ADGRL2: variants seen among roughly 807,000 people sequenced by gnomAD.
The protein encoded by ADGRL2 is adhesion G protein-coupled receptor L2.
A neutral mutation model predicts 157.4 loss-of-function variants in ADGRL2; 44 were observed. The ratio of observed to expected loss-of-function variants is 0.28; its 90% confidence interval spans 0.22 to 0.36. The LOEUF is 0.36. Ranked by LOEUF, ADGRL2 falls within the 10% of genes least tolerant of loss-of-function variation. ADGRL2 has a pLI of 1.00. For synonymous variants in ADGRL2, 585 were observed against 624.7 expected (o/e 0.94, Z 0.95); for missense variants, 1,510 against 1,768.9 (o/e 0.85, Z 2.63).
intron 2 of ADGRL2, among the ~76,000 whole-genome samples, chr1:81,496,387 A>G (rs1233902517): frequency 6.6e-6 from 1 of 152,158 alleles, no homozygotes; most frequent in Non-Finnish European, 1.5e-5. Flanking sequence ...AGGGGGAGAA[A>G]TCATTAATTA....
At chr1:81,581,874 G>GCACGCA (rs2080919696) in intron 3 of ADGRL2, among the ~76,000 whole-genome samples, 1 of 83,452 alleles carries the variant, frequency 1.2e-5, no homozygotes, top group African/African-American at 3.2e-5. Flanking sequence ...ACACATGCGC[G>GCACGCA]CACACACACA....
rs1286715146 is a variant in ADGRL2 at position 81,691,472 on chromosome 1, G to A, written c.-142-70339G>A. Among the ~76,000 whole-genome samples, 2 of 151,682 alleles carry A rather than the reference G, an allele frequency of 1.3e-5. 1 individual carries two copies. Among genetic ancestry groups the A allele is most frequent in the Non-Finnish European group, 2.9e-5 (2 of 67,930 alleles). On this transcript the variant is annotated intron_variant, in intron 3 of 24. Coordinates refer to the ADGRL2 transcript ENST00000370721. ...TTTGATTGCATATACCAATATACTT[G>A]GGTAATACCAACTATTAGTTTTCTT... is the stretch of plus-strand genomic sequence containing the variant.
intron 1 of ADGRL2, among the ~76,000 whole-genome samples, chr1:81,417,351 T>C (rs2077050493): frequency 6.6e-6 from 1 of 152,214 alleles, no homozygotes; most frequent in Non-Finnish European, 1.5e-5. Context: ...TCATTAACTT[T>C]ACAAAATATT....
At chr1:81,958,169 A>G (rs933603672) in intron 11 of ADGRL2, among the ~76,000 whole-genome samples, 73 of 152,174 alleles carry the variant, frequency 4.8e-4, no homozygotes, top group African/African-American at 1.7e-3. Context: ...AGGCAGGAGA[A>G]TCCCTCGAAC....
intron 1 of ADGRL2, among the ~76,000 whole-genome samples, chr1:81,441,152 T>C (rs562327555): frequency 4.5e-4 from 68 of 152,324 alleles, no homozygotes; most frequent in African/African-American, 1.4e-3. Flanking sequence ...TTAGTACTAG[T>C]TACTAGTAAA....
At chr1:81,546,408 T>C (rs781485117) in intron 2 of ADGRL2, among the ~76,000 whole-genome samples, 2 of 152,176 alleles carry the variant, frequency 1.3e-5, no homozygotes, top group Non-Finnish European at 2.9e-5. Context: ...TTAATTTGGA[T>C]CTAAAGAGTT....
At chr1:81,515,786 T>C (rs1270758558) in intron 2 of ADGRL2, among the ~76,000 whole-genome samples, 2 of 152,202 alleles carry the variant, frequency 1.3e-5, no homozygotes, top group African/African-American at 4.8e-5. Flanking sequence ...GTATTTTTTA[T>C]AAATATAAGA....
At chr1:81,384,503 T>C (rs71645173) in intron 1 of ADGRL2, among the ~76,000 whole-genome samples, 6 of 152,226 alleles carry the variant, frequency 3.9e-5, no homozygotes, top group Admixed American at 3.9e-4. Context: ...TTTCTCTTTG[T>C]GCTTTTACCT....
intron 1 of ADGRL2, among the ~76,000 whole-genome samples, chr1:81,338,017 C>A (rs1661777011): frequency 1.3e-5 from 2 of 152,150 alleles, no homozygotes; most frequent in Non-Finnish European, 2.9e-5. Flanking sequence ...TTGTTTTATA[C>A]AATTATTTTA....
chr1:81,706,398 C>A (rs1466873655), intron 1 of ADGRL2, among the ~76,000 whole-genome samples: 1 of 151,740 alleles, frequency 6.6e-6, no homozygotes, highest in East Asian at 1.9e-4. Flanking sequence ...AAATAGGAAA[C>A]ATAGGAGGGG....
intron 2 of ADGRL2, among the ~76,000 whole-genome samples, chr1:81,451,982 T>C (rs567156517): frequency 6.6e-6 from 1 of 152,318 alleles, no homozygotes; most frequent in East Asian, 1.9e-4. Flanking sequence ...CTGTGCGTTC[T>C]CTCTTCTCTC....
chr1:81,317,766 C>A (rs2100595058), intron 1 of ADGRL2, among the ~76,000 whole-genome samples: 1 of 152,194 alleles, frequency 6.6e-6, no homozygotes, highest in African/African-American at 2.4e-5. Context: ...AGTAGGGGGT[C>A]TGTCTGCATA....
chr1:81,708,096 A>T (rs1054721699), intron 1 of ADGRL2, among the ~76,000 whole-genome samples: 1 of 152,046 alleles, frequency 6.6e-6, no homozygotes, highest in Non-Finnish European at 1.5e-5. Context: ...CAAACTTTTT[A>T]TTTTTGTGCA....
chr1:81,370,547 A>G (rs2076144774), intron 1 of ADGRL2, among the ~76,000 whole-genome samples: 1 of 152,176 alleles, frequency 6.6e-6, no homozygotes, highest in African/African-American at 2.4e-5. Context: ...CCCACAACAT[A>G]CTTTTATAGT....
intron 6 of ADGRL2, among the ~76,000 whole-genome samples, chr1:81,947,096 G>C (rs1650136609): frequency 6.6e-6 from 1 of 152,070 alleles, no homozygotes; most frequent in Admixed American, 6.6e-5. Context: ...ATAAATGGTA[G>C]GTAGAATCCT....
chr1:81,698,687 A>AAAAT (rs2083495433), upstream of ADGRL2, among the ~76,000 whole-genome samples: 3 of 152,216 alleles, frequency 2.0e-5, no homozygotes, highest in Admixed American at 1.3e-4. Context: ...GTACATTGAC[A>AAAAT]AAATGGGTTG....
intron 1 of ADGRL2, among the ~76,000 whole-genome samples, chr1:81,425,361 G>C (rs1036079628): frequency 1.3e-5 from 2 of 151,762 alleles, no homozygotes; most frequent in Non-Finnish European, 2.9e-5. Context: ...GTAGCTAACT[G>C]TTACTACTAC....
chr1:81,546,571 C>T (rs560539381), intron 2 of ADGRL2, among the ~76,000 whole-genome samples: 1 of 152,192 alleles, frequency 6.6e-6, no homozygotes, highest in Non-Finnish European at 1.5e-5. Context: ...GCGCTTATTT[C>T]TTTTTAATTG....
At chr1:81,507,284 A>C (rs1423328582) in intron 2 of ADGRL2, among the ~76,000 whole-genome samples, 1 of 152,138 alleles carries the variant, frequency 6.6e-6, no homozygotes, top group Non-Finnish European at 1.5e-5. Context: ...TTTCTCCTGC[A>C]CAGAAGGAGA....
Sources: gnomAD v4.1 joint callset for allele counts (sites outside exome capture counted in the v4.1 genomes callset) on GRCh38, gnomAD v4.1.1 for gene constraint, MANE v1.5 for transcripts, NCBI Gene and HGNC (gene_info 2026-07-23, HGNC 2026-07-21) for gene names.